SMARCB1: variants seen among roughly 807,000 people sequenced by gnomAD.
SMARCB1 encodes SWI/SNF related BAF chromatin remodeling complex subunit B1, also known as SWI/SNF-related matrix-associated actin-dependent regulator of chromatin subfamily B member 1.
SMARCB1 carries 5 observed loss-of-function variants against 49.0 expected under a neutral mutation model. The observed-to-expected ratio is 0.10, with a 90% CI of 0.05 to 0.21. The LOEUF (loss-of-function observed/expected upper bound fraction) is 0.21. Among genes scored for constraint, SMARCB1 ranks in the 10% least tolerant of loss-of-function variants. The pLI is 1.00. For missense variants in SMARCB1, 226 were observed against 509.2 expected (o/e 0.44, Z 5.35); for synonymous variants, 201 against 200.1 (o/e 1.00, Z -0.04).
chr22:23,811,067 TA>T (rs1179354857), intron 5 of SMARCB1, among the ~76,000 whole-genome samples: 1 of 144,946 alleles, frequency 6.9e-6, no homozygotes, highest in African/African-American at 2.6e-5. Flanking sequence ...TGGATAAAGA[TA>T]AAACGTTAAT....
At chr22:23,802,977 A>G in intron 4 of SMARCB1, 2 of 452,412 alleles carry the variant, frequency 4.4e-6, no homozygotes, top group Non-Finnish European at 8.2e-6. Flanking sequence ...CTCCTTTCCC[A>G]TAGCCTTCCA....
Position 23,836,419 on chromosome 22 carries a change from A to C in SMARCB1, c.*2239A>C, listed in dbSNP as rs981581108. ...CCTAGGAGACGCCTGTCCTGGCCCC[A>C]GCAGCCGAAATCTGGTGAACTTCCC... is the stretch of plus-strand genomic sequence containing the variant. On this transcript the variant is annotated 3_prime_UTR_variant, in exon 9 of 9. Coordinates refer to ENST00000644036, the MANE Select transcript of SMARCB1 (RefSeq NM_003073.5). The C allele has an allele frequency of 1.0e-5, 10 of 987,720 alleles. No individual in the cohort carries two copies. Among genetic ancestry groups the C allele is most frequent in the Non-Finnish European group, 1.1e-5 (9 of 831,700 alleles). 61.2% of individuals were successfully genotyped at this position (987,720 alleles called of 1,614,324 possible).
Position 23,816,799 on chromosome 22 carries a change from G to C in SMARCB1, c.658G>C (p.Glu220Gln), listed in dbSNP as rs1178139718. ...EKLMTPEMFSEILCDDLDLNP... is the reference protein window; with the variant it reads ...EKLMTPEMFSQILCDDLDLNP... ...GTTGATGACGCCTGAGATGTTTTCA[G>C]AAATCCTCTGTGACGATCTGGATTT... is the stretch of plus-strand genomic sequence containing the variant. Residue 220 changes from glutamate to glutamine, a missense_variant, in exon 6 of 9, where the codon GAA becomes CAA. By Grantham distance (29) the Glu-to-Gln change is conservative. This residue lies in a region of SMARCB1 where 128 missense variants were observed against 263.9 expected (regional missense o/e 0.49). Transcript: ENST00000644036. 1 of 1,614,030 alleles carries C rather than the reference G, an allele frequency of 6.2e-7. No individual in the cohort carries two copies. The highest frequency in any genetic ancestry group is 8.5e-7 in the Non-Finnish European group (1 of 1,180,008).
chr22:23,809,125 G>A lies in SMARCB1; in HGVS notation c.628+5703G>A, dbSNP rs137856521. On this transcript the variant is annotated intron_variant, in intron 5 of 8. Coordinates refer to ENST00000644036, the MANE Select transcript of SMARCB1 (RefSeq NM_003073.5). ...TGGGATTACAGACGTGAGCCACCGC[G>A]CCCAGCCAAATGATGGTAGATTTCT... 6.0e-3 allele frequency among the ~76,000 whole-genome samples: 911 copies of A among 151,848 alleles called. 7 individuals carry two copies. Among genetic ancestry groups the A allele is most frequent in the Non-Finnish European group, 8.7e-3 (591 of 67,994 alleles).
chr22:23,796,771 G>A (rs928155369), intron 3 of SMARCB1, among the ~76,000 whole-genome samples: 1 of 152,136 alleles, frequency 6.6e-6, no homozygotes, highest in African/African-American at 2.4e-5. Context: ...TGATCATGTC[G>A]TGAGGAACAG....
chr22:23,787,364 C>CGGGG, intron 1 of SMARCB1, 102 bp downstream of exon 1: 1 of 503,452 alleles, frequency 2.0e-6, no homozygotes. Flanking sequence ...TCGGGGCGGG[C>CGGGG]GGGCGCGCGC....
rs35632624 is a variant in SMARCB1 at position 23,816,371 on chromosome 22, C to T, written c.629-399C>T. ...CACATGAGGCCTGGTATTGGGCCAG[C>T]CTCTGTGCCATCACGTCTGCCACCA... On this transcript the variant is annotated intron_variant, in intron 5 of 8. Coordinates refer to ENST00000644036, the MANE Select transcript of SMARCB1 (RefSeq NM_003073.5). The T allele has an allele frequency of 2.7e-3, 976 of 364,960 alleles. 6 individuals carry two copies. The highest frequency in any genetic ancestry group is 0.019 in the African/African-American group (917 of 48,306). The allele number at this position is 364,960 out of a possible 1,614,324, so 22.6% of individuals were successfully genotyped here.
chr22:23,797,170 T>G (rs900567623), intron 3 of SMARCB1, among the ~76,000 whole-genome samples: 1 of 148,074 alleles, frequency 6.8e-6, no homozygotes, highest in African/African-American at 2.5e-5. Flanking sequence ...GGCTAATTTT[T>G]TGTGTTTTTA....
chr22:23,837,765 C>T lies in SMARCB1; in HGVS notation c.*3585C>T, dbSNP rs143515195. ...TGAGCAGGCCGAAGAAGTTGACCCTCACCCGAGGGCTGCGGCGGCTCCACA... is the reference window on the plus strand; with the variant it reads ...TGAGCAGGCCGAAGAAGTTGACCCTTACCCGAGGGCTGCGGCGGCTCCACA... On this transcript the variant is annotated 3_prime_UTR_variant, in exon 9 of 9. Transcript: ENST00000644036. The T allele has an allele frequency of 3.0e-5, 48 of 1,614,046 alleles. No individual in the cohort carries two copies. In the East Asian group the frequency reaches 1.0e-3, roughly 34 times the overall value.
chr22:23,802,365 CCCT>C (rs1469058326), intron 4 of SMARCB1: 1 of 152,712 alleles, frequency 6.5e-6, no homozygotes, highest in Non-Finnish European at 1.5e-5. Context: ...GCCCCGTTCT[CCCT>C]CCTCCCCTCT....
chr22:23,805,157 A>C (rs934257839), intron 5 of SMARCB1, among the ~76,000 whole-genome samples: 1 of 152,164 alleles, frequency 6.6e-6, no homozygotes, highest in Non-Finnish European at 1.5e-5. Flanking sequence ...CTCAGCCCTG[A>C]GAAGAAGGCC....
intron 1 of SMARCB1, among the ~76,000 whole-genome samples, chr22:23,787,485 A>G (rs1279279756): frequency 1.3e-5 from 2 of 152,104 alleles, no homozygotes; most frequent in Admixed American, 6.5e-5. Context: ...CGCCGCCTTC[A>G]GTGCTGCCAA....
rs539730014 is a variant in SMARCB1, at chr22:23,837,962, C to T, written c.*3782C>T. 1.4e-5 allele frequency: 18 copies of T among 1,292,680 alleles called. No homozygotes were observed. The African/African-American group carries it at 2.4e-4, about 17-fold the overall frequency. The allele number at this position is 1,292,680 out of a possible 1,614,324, so 80.1% of individuals were successfully genotyped here. On this transcript the variant is annotated 3_prime_UTR_variant, in exon 9 of 9. Transcript: ENST00000644036. The stretch of plus-strand genomic sequence containing the variant: ...CCCCTCATCTCCCCTATGTGCTATT[C>T]CCTCATCAAGATGAGCCAGTCCAAT...
intron 3 of SMARCB1, 99 bp from the exon 4 acceptor site, chr22:23,800,845 A>G: frequency 2.1e-6 from 2 of 943,426 alleles, no homozygotes; most frequent in Non-Finnish European, 1.8e-6. Flanking sequence ...CTCGAGCCTG[A>G]CAGAGGTACA....
In SMARCB1 at chr22:23,837,604, G is replaced by A. The variant is rs905816998; in HGVS notation, c.*3424G>A. 106 of 1,558,302 alleles carry A rather than the reference G, an allele frequency of 6.8e-5. No individual in the cohort carries two copies. Among genetic ancestry groups the A allele is most frequent in the East Asian group, 4.6e-4 (20 of 43,894 alleles). ...AGAGGGGCCCCAGGGCATAAGCAGCGTGTCCTGAGGGGAGTGGCCAGCCTG... is the reference window on the plus strand; with the variant it reads ...AGAGGGGCCCCAGGGCATAAGCAGCATGTCCTGAGGGGAGTGGCCAGCCTG... On this transcript the variant is annotated 3_prime_UTR_variant, in exon 9 of 9. Coordinates refer to ENST00000644036, the MANE Select transcript of SMARCB1 (RefSeq NM_003073.5).
intron 3 of SMARCB1, among the ~76,000 whole-genome samples, chr22:23,798,885 C>T (rs1381655302): frequency 6.6e-6 from 1 of 151,898 alleles, no homozygotes; most frequent in African/African-American, 2.4e-5. Flanking sequence ...CCCGTCTCTA[C>T]TAAAAATCAA....
At chr22:23,828,683 A>T (rs761385861) in intron 7 of SMARCB1, among the ~76,000 whole-genome samples, 34 of 152,078 alleles carry the variant, frequency 2.2e-4, no homozygotes, top group Non-Finnish European at 4.4e-4. Flanking sequence ...GACCTAGGTC[A>T]CTCCATAATG....
intron 6 of SMARCB1, among the ~76,000 whole-genome samples, chr22:23,822,631 G>A (rs866308225): frequency 4.7e-4 from 72 of 152,334 alleles, no homozygotes; most frequent in African/African-American, 1.5e-3. Context: ...ACTGCTCTCT[G>A]CTACAGTCCC....
Position 23,834,786 on chromosome 22 carries a change from C to A in SMARCB1, c.*606C>A. Reference sequence around the variant, plus strand: ...GAGGCTCAGGGCAAGAGGCTCTCTGCCTTTCAGGAACAGCCCTAACCCTGC... The same window carrying A: ...GAGGCTCAGGGCAAGAGGCTCTCTGACTTTCAGGAACAGCCCTAACCCTGC... On this transcript the variant is annotated 3_prime_UTR_variant, in exon 9 of 9. Transcript: ENST00000644036. 1 of 1,581,814 alleles carries A rather than the reference C, an allele frequency of 6.3e-7. No individual in the cohort carries two copies. Among genetic ancestry groups the A allele is most frequent in the Non-Finnish European group, 8.6e-7 (1 of 1,165,588 alleles).
Sources: allele counts gnomAD v4.1 joint callset (sites outside exome capture counted in the v4.1 genomes callset), GRCh38; gene constraint gnomAD v4.1.1; regional missense constraint gnomAD v4.1.1; transcripts MANE v1.5; gene names NCBI Gene and HGNC (gene_info 2026-07-23, HGNC 2026-07-21).